Variants in SOX30 observed in about 807,000 individuals in gnomAD.
SOX30 encodes transcription factor SOX-30.
A neutral mutation model predicts 58.6 loss-of-function variants in SOX30; 17 were observed. The observed-to-expected ratio is 0.29, with a 90% CI of 0.20 to 0.44. The LOEUF (loss-of-function observed/expected upper bound fraction) is 0.44, where lower values mean the gene tolerates loss of function less well. Ranked by LOEUF, SOX30 falls within the 20% of genes least tolerant of loss-of-function variation. The probability of loss-of-function intolerance (pLI) is 1.00; values close to 1 mark genes in which losing one functional copy is unlikely to be tolerated. For missense variants in SOX30, 951 were observed against 965.8 expected (o/e 0.98, Z 0.20); for synonymous variants, 421 against 400.2 (o/e 1.05, Z -0.62).
chr5:157,666,026 G>A (rs1759663786), intron 2 of SOX30, among the ~76,000 whole-genome samples: 1 of 151,678 alleles, frequency 6.6e-6, no homozygotes, highest in Admixed American at 6.6e-5. Context: ...GTTATTGGGA[G>A]AGAAGAAGAT....
At chr5:157,648,980 A>G in intron 1 of SOX30, 84 bp from the exon 2 acceptor site, 1 of 1,479,540 alleles carries the variant, frequency 6.8e-7, no homozygotes. Flanking sequence ...ACCTCCGTCT[A>G]TACTTATTTT....
At chr5:157,643,499 T>A (rs774721331) in intron 3 of SOX30, among the ~76,000 whole-genome samples, 3 of 152,046 alleles carry the variant, frequency 2.0e-5, no homozygotes, top group Non-Finnish European at 4.4e-5. Flanking sequence ...TTAGACAAAG[T>A]AGGTACAAAT....
At chr5:157,635,776 T>A (rs1311485694) in intron 4 of SOX30, among the ~76,000 whole-genome samples, 1 of 152,240 alleles carries the variant, frequency 6.6e-6, no homozygotes, top group Non-Finnish European at 1.5e-5. Context: ...TTAATCTATG[T>A]AATATGTAAG....
Position 157,626,075 on chromosome 5 carries a change from T to A in SOX30, c.*265A>T, listed in dbSNP as rs1752552876. On this transcript the variant is annotated 3_prime_UTR_variant, in exon 5 of 5. Transcript: ENST00000265007. ...CTTCAGTATTTTGCATGTTCCAGGA[T>A]AAAGTAATAATAATACATGTTGATG... is the stretch of plus-strand genomic sequence containing the variant. The A allele has an allele frequency of 3.0e-6, 1 of 328,020 alleles. No homozygotes were observed. Among genetic ancestry groups the A allele is most frequent in the African/African-American group, 2.1e-5 (1 of 46,570 alleles). 20.3% of individuals were successfully genotyped at this position (328,020 alleles called of 1,614,324 possible). A position where few individuals can be genotyped will look rare whatever the true frequency, so the allele number is the denominator to read the frequency against.
At chr5:157,654,352 A>G (rs927599019), upstream of SOX30, among the ~76,000 whole-genome samples, 24 of 152,174 alleles carry the variant, frequency 1.6e-4, no homozygotes, top group African/African-American at 5.3e-4. Flanking sequence ...TCCCCACCTT[A>G]TGCTCACAAG....
At position 157,626,354 on chromosome 5, in the gene SOX30, G is replaced by A. The variant is rs1320658947; in HGVS notation, c.2248C>T (p.Leu750Phe). ...TTGTTTTAAAATTATAAATCCCTGA[G>A]CACTTTTTCTTCTTCCTCCTCATCA... ...DSDEEEEEKV[L>F]RDL is the part of the protein sequence containing the mutation. The change falls in exon 5 of 5, where the codon CTC becomes TTC. Residue 750 changes from leucine (L) to phenylalanine (F), a missense_variant. By Grantham distance (22) the Leu-to-Phe change is conservative (BLOSUM62 0). Transcript: ENST00000265007. 1 of 1,604,630 alleles carries A rather than the reference G, an allele frequency of 6.2e-7. No individual in the cohort carries two copies. Among genetic ancestry groups the A allele is most frequent in the Non-Finnish European group, 8.5e-7 (1 of 1,175,922 alleles).
chr5:157,627,134 C>T (rs1186657298), intron 4 of SOX30, among the ~76,000 whole-genome samples: 4 of 151,950 alleles, frequency 2.6e-5, no homozygotes, highest in Admixed American at 1.3e-4. Context: ...GAGGCTGAGG[C>T]GGGCGGAACA....
At chr5:157,664,595 A>G (rs1362435868) in intron 2 of SOX30, among the ~76,000 whole-genome samples, 4 of 152,256 alleles carry the variant, frequency 2.6e-5, no homozygotes, top group Non-Finnish European at 5.9e-5. Context: ...GCCAAAATTG[A>G]CAAATGGGAT....
intron 2 of SOX30, among the ~76,000 whole-genome samples, chr5:157,647,596 C>G (rs187784084): frequency 4.6e-5 from 7 of 152,088 alleles, no homozygotes; most frequent in Admixed American, 2.0e-4. Context: ...ACTCTGCCGC[C>G]CAGGCTGGAG....
In SOX30 at chr5:157,638,705, T is replaced by C. The variant is rs1238276442; in HGVS notation, c.1405A>G (p.Ile469Val). The part of the protein sequence containing the change: ...THPVGETSPA[I>V]QLPTPAVQSP... ...TGGACTGCAGGTGTGGGCAGCTGGA[T>C]AGCAGGTGAGGTTTCACCTTTAGAA... Residue 469 changes from isoleucine to valine, a missense_variant, in exon 4 of 5, where the codon ATC (isoleucine) becomes GTC (valine). Physicochemically the swap from Ile to Val is conservative, Grantham distance 29. Around this residue, in one of 7 missense-constraint regions of SOX30, gnomAD observed 381 missense variants for 390.0 expected, o/e 0.98. Coordinates refer to ENST00000265007, the MANE Select transcript of SOX30 (RefSeq NM_178424.2). The C allele has an allele frequency of 6.2e-7, 1 of 1,609,770 alleles. No individual in the cohort carries two copies. Among genetic ancestry groups the C allele is most frequent in the South Asian group, 1.1e-5 (1 of 90,680 alleles).
At chr5:157,647,585 C>T (rs1187787917) in intron 2 of SOX30, among the ~76,000 whole-genome samples, 1 of 151,288 alleles carries the variant, frequency 6.6e-6, no homozygotes, top group Admixed American at 6.6e-5. Flanking sequence ...GACAGAGTCT[C>T]ACTCTGCCGC....
At chr5:157,641,837 G>GGA (rs1759070945) in intron 3 of SOX30, among the ~76,000 whole-genome samples, 1 of 152,146 alleles carries the variant, frequency 6.6e-6, no homozygotes, top group Non-Finnish European at 1.5e-5. Flanking sequence ...ATGTGCCACT[G>GGA]GAATTTACTC....
exon 1 of SOX30, chr5:157,671,449 A>G: frequency 1.6e-6 from 1 of 615,388 alleles, no homozygotes; most frequent in African/African-American, 1.9e-5. Context: ...CGCATGTCCA[A>G]CAGCCCCCGT....
chr5:157,669,373 T>C (rs772399963), intron 1 of SOX30, among the ~76,000 whole-genome samples: 5 of 152,096 alleles, frequency 3.3e-5, no homozygotes, highest in African/African-American at 4.8e-5. Context: ...TTTGTAGAGA[T>C]GGGGTTTCAC....
chr5:157,656,708 G>A (rs750002531), upstream of SOX30, among the ~76,000 whole-genome samples: 10 of 152,232 alleles, frequency 6.6e-5, no homozygotes, highest in Non-Finnish European at 7.3e-5. Flanking sequence ...AAAGTGAAAT[G>A]TGTTTTTGGT....
intron 4 of SOX30, among the ~76,000 whole-genome samples, chr5:157,630,109 G>A (rs11949014): frequency 0.18 from 28,130 of 152,096 alleles, 4,301 homozygotes; most frequent in African/African-American, 0.42. Context: ...AGAAGTTACT[G>A]CAATTTTTAG....
At position 157,626,315 on chromosome 5, in the gene SOX30, T is replaced by C; in HGVS notation, c.*25A>G. 3.2e-6 allele frequency: 5 copies of C among 1,542,826 alleles called. No individual in the cohort carries two copies. The highest frequency in any genetic ancestry group is 1.2e-5 in the South Asian group (1 of 80,504). ...CAGAATATATTTTAAGAAATGTTTA[T>C]TTTCTGTGCATATTTGTTTTAAAAT... On this transcript the variant is annotated 3_prime_UTR_variant, in exon 5 of 5. Transcript: ENST00000265007.
chr5:157,639,442 CTATTG>C (rs1291340398), intron 3 of SOX30, among the ~76,000 whole-genome samples: 3 of 152,064 alleles, frequency 2.0e-5, no homozygotes. Flanking sequence ...TTACTTCACT[CTATTG>C]TATTCAATAT....
At chr5:157,666,587 A>G (rs1403500882) in intron 2 of SOX30, among the ~76,000 whole-genome samples, 1 of 152,084 alleles carries the variant, frequency 6.6e-6, no homozygotes, top group Non-Finnish European at 1.5e-5. Context: ...TCGTTAGCAT[A>G]TTAACATTTA....
Sources: gnomAD v4.1 joint callset for allele counts (sites outside exome capture counted in the v4.1 genomes callset) on GRCh38, gnomAD v4.1.1 for gene constraint, gnomAD v4.1.1 regional missense constraint, MANE v1.5 for transcripts, NCBI Gene and HGNC (gene_info 2026-07-23, HGNC 2026-07-21) for gene names.